The following RBKS variants were observed in gnomAD, a reference collection of about 807,000 sequenced individuals.
RBKS encodes ribokinase.
A neutral mutation model predicts 33.9 loss-of-function variants in RBKS; 33 were observed. That is an observed-to-expected ratio of 0.97 (90% CI 0.74 to 1.30). The LOEUF is 1.30. Among genes scored for constraint, RBKS ranks in the 50% most tolerant of loss-of-function variants. The pLI is 0.00. For synonymous variants in RBKS, 125 were observed against 143.0 expected (o/e 0.87, Z 0.90); for missense variants, 361 against 392.6 (o/e 0.92, Z 0.68).
chr2:27,840,362 G>GCACA (rs1558546987), intron 5 of RBKS, among the ~76,000 whole-genome samples: 6 of 90,112 alleles, frequency 6.7e-5, no homozygotes, highest in African/African-American at 1.6e-4. Flanking sequence ...ACACGCGCGC[G>GCACA]CGCACACACA....
At chr2:27,794,205 G>T (rs1287343285) in intron 7 of RBKS, among the ~76,000 whole-genome samples, 1 of 151,420 alleles carries the variant, frequency 6.6e-6, no homozygotes, top group Non-Finnish European at 1.5e-5. Context: ...GCCGAGGCAG[G>T]AGAATCGCTT....
At chr2:27,815,204 G>A (rs889479823) in intron 7 of RBKS, among the ~76,000 whole-genome samples, 1 of 151,888 alleles carries the variant, frequency 6.6e-6, no homozygotes, top group African/African-American at 2.4e-5. Context: ...GCTCTAGGTG[G>A]TTTTTTTTCC....
chr2:27,862,651 C>T (rs1477615086), intron 1 of RBKS, among the ~76,000 whole-genome samples: 1 of 152,194 alleles, frequency 6.6e-6, no homozygotes, highest in Admixed American at 6.5e-5. Context: ...TTTGTATACG[C>T]TCTTCCTTCT....
rs377144146 is a variant in RBKS at position 27,842,976 on chromosome 2, A to G, written c.514+91T>C. 4.1e-5 allele frequency: 37 copies of G among 896,770 alleles called. No individual in the cohort carries two copies. The African/African-American group carries it at 4.8e-4, about 12-fold the overall frequency. The allele number at this position is 896,770 out of a possible 1,614,324, so 55.6% of individuals were successfully genotyped here. A position where few individuals can be genotyped will look rare whatever the true frequency, so the allele number is the denominator to read the frequency against. On this transcript the variant is annotated intron_variant, in intron 5 of 7. Transcript: ENST00000302188. ...GAAGAAAGAATATTTTACGACAGAAAGAGTATTGCTTTGCTTAACTTAAAA... is the reference window on the plus strand; with the variant it reads ...GAAGAAAGAATATTTTACGACAGAAGGAGTATTGCTTTGCTTAACTTAAAA...
intron 5 of RBKS, among the ~76,000 whole-genome samples, chr2:27,840,996 T>C (rs891883918): frequency 2.9e-4 from 44 of 152,178 alleles, no homozygotes; most frequent in African/African-American, 1.1e-3. Flanking sequence ...AGGAAGTTCA[T>C]GCAGAATTAA....
intron 1 of RBKS, chr2:27,870,781 G>T: frequency 2.1e-6 from 1 of 465,222 alleles, no homozygotes. Flanking sequence ...CACACAAAAT[G>T]ACCAGTTCAG....
intron 7 of RBKS, among the ~76,000 whole-genome samples, chr2:27,818,014 AC>A (rs1195868325): frequency 6.6e-6 from 1 of 152,150 alleles, no homozygotes; most frequent in Non-Finnish European, 1.5e-5. Flanking sequence ...CCTGCTCCTT[AC>A]CATGGTAGGA....
rs370392795 is a variant in RBKS at position 27,832,671 on chromosome 2, G to A, written c.606+15C>T. On this transcript the variant is annotated intron_variant, in intron 6 of 7. Coordinates refer to ENST00000302188, the MANE Select transcript of RBKS (RefSeq NM_022128.3). ...TTTGGTTTCTCATAGAATGAGCAAAGCAATTCACCCTTACCTCACTTTCAT... is the reference window on the plus strand; with the variant it reads ...TTTGGTTTCTCATAGAATGAGCAAAACAATTCACCCTTACCTCACTTTCAT... 1.2e-5 allele frequency: 19 copies of A among 1,572,018 alleles called. No homozygotes were observed. The highest frequency in any genetic ancestry group is 1.7e-5 in the Non-Finnish European group (19 of 1,141,906).
At chr2:27,872,983 C>A (rs1664244456) in intron 1 of RBKS, among the ~76,000 whole-genome samples, 1 of 152,074 alleles carries the variant, frequency 6.6e-6, no homozygotes, top group African/African-American at 2.4e-5. Context: ...AGAAAGCCTG[C>A]AAATGGGGAG....
chr2:27,868,216 A>C (rs1303072756), intron 1 of RBKS, among the ~76,000 whole-genome samples: 3 of 152,248 alleles, frequency 2.0e-5, no homozygotes, highest in African/African-American at 7.2e-5. Flanking sequence ...AGACAAAATA[A>C]TGTAATCTGG....
intron 7 of RBKS, among the ~76,000 whole-genome samples, chr2:27,808,343 T>C (rs142548169): frequency 6.6e-5 from 10 of 152,368 alleles, no homozygotes; most frequent in African/African-American, 2.2e-4. Context: ...CCTTTATTGG[T>C]ACCCTACAAG....
intron 1 of RBKS, among the ~76,000 whole-genome samples, chr2:27,864,745 C>A (rs746355955): frequency 6.6e-6 from 1 of 152,132 alleles, no homozygotes; most frequent in Non-Finnish European, 1.5e-5. Flanking sequence ...CAGTCCCCCA[C>A]AAGGTTACAT....
At chr2:27,847,922 C>A (rs1014574446) in intron 3 of RBKS, 112 bp downstream of exon 3, 3 of 671,050 alleles carry the variant, frequency 4.5e-6, no homozygotes, top group Non-Finnish European at 8.0e-6. Flanking sequence ...CATAGAAATT[C>A]TCTGGCCACC....
intron 7 of RBKS, among the ~76,000 whole-genome samples, chr2:27,785,855 T>A (rs1033559001): frequency 6.6e-6 from 1 of 152,118 alleles, no homozygotes; most frequent in African/African-American, 2.4e-5. Context: ...AAGGAAAAGC[T>A]CCTGTAATAT....
intron 7 of RBKS, among the ~76,000 whole-genome samples, chr2:27,808,612 A>G (rs1049580939): frequency 3.3e-5 from 5 of 152,226 alleles, no homozygotes; most frequent in African/African-American, 1.2e-4. Context: ...TCATATTGAC[A>G]GAGGCCACTG....
At chr2:27,798,299 C>T (rs1363829178) in intron 7 of RBKS, among the ~76,000 whole-genome samples, 1 of 152,066 alleles carries the variant, frequency 6.6e-6, no homozygotes, top group South Asian at 2.1e-4. Flanking sequence ...TCTAACCACC[C>T]GTGAGCCTGC....
intron 2 of RBKS, among the ~76,000 whole-genome samples, chr2:27,855,801 C>A (rs1027053452): frequency 6.6e-6 from 1 of 152,134 alleles, no homozygotes; most frequent in Non-Finnish European, 1.5e-5. Context: ...CTCCCTAGCT[C>A]AATATAAGTT....
intron 1 of RBKS, among the ~76,000 whole-genome samples, chr2:27,858,874 C>T (rs1426898504): frequency 6.6e-6 from 1 of 152,096 alleles, no homozygotes; most frequent in Non-Finnish European, 1.5e-5. Context: ...TTTCTTAATG[C>T]CAGCACAGAA....
chr2:27,846,230 A>G (rs1408162325), intron 4 of RBKS, among the ~76,000 whole-genome samples: 1 of 152,202 alleles, frequency 6.6e-6, no homozygotes, highest in Non-Finnish European at 1.5e-5. Flanking sequence ...GGCCTCCCAA[A>G]ATGCTGAGAT....
Sources: gnomAD v4.1 joint callset for allele counts (sites outside exome capture counted in the v4.1 genomes callset) on GRCh38, gnomAD v4.1.1 for gene constraint, MANE v1.5 for transcripts, NCBI Gene and HGNC (gene_info 2026-07-23, HGNC 2026-07-21) for gene names.